The following ZNF385D variants were observed in gnomAD, a reference collection of about 807,000 sequenced individuals.
The protein encoded by ZNF385D is zinc finger protein 659.
ZNF385D carries 15 observed loss-of-function variants against 35.8 expected under a neutral mutation model. The observed-to-expected ratio is 0.42, with a 90% CI of 0.28 to 0.64. The LOEUF is 0.64. ZNF385D is among the 30% of genes least tolerant of loss of function. ZNF385D has a pLI of 0.23. For synonymous variants in ZNF385D, 212 were observed against 186.8 expected (o/e 1.13, Z -1.10); for missense variants, 474 against 494.6 (o/e 0.96, Z 0.39).
At chr3:21,662,953 T>C (rs373715869) in intron 2 of ZNF385D, among the ~76,000 whole-genome samples, 21 of 152,318 alleles carry the variant, frequency 1.4e-4, no homozygotes, top group East Asian at 1.4e-3. Flanking sequence ...CACAGACTTA[T>C]GAGGCGTATT....
chr3:22,010,545 G>A (rs1323689488), intron 3 of ZNF385D, among the ~76,000 whole-genome samples: 1 of 152,146 alleles, frequency 6.6e-6, no homozygotes, highest in Non-Finnish European at 1.5e-5. Context: ...TCTAGAGACT[G>A]CAAGTCCAAT....
intron 4 of ZNF385D, among the ~76,000 whole-genome samples, chr3:21,455,483 G>T (rs1476183579): frequency 6.6e-6 from 1 of 152,124 alleles, no homozygotes; most frequent in African/African-American, 2.4e-5. Context: ...CAAGCAATGG[G>T]GAAAGGATTC....
At chr3:21,778,170 A>G (rs2071360525) in intron 3 of ZNF385D, among the ~76,000 whole-genome samples, 1 of 152,090 alleles carries the variant, frequency 6.6e-6, no homozygotes, top group Non-Finnish European at 1.5e-5. Flanking sequence ...AAGAAAGCCA[A>G]TCAGTGCCCC....
In ZNF385D at chr3:22,332,666, A is replaced by T. The variant is rs143378516; in HGVS notation, c.106+39784T>A. Among the ~76,000 whole-genome samples, 469 of 152,290 alleles carry T rather than the reference A, an allele frequency of 3.1e-3. 4 individuals are homozygous for T. Among genetic ancestry groups the T allele is most frequent in the African/African-American group, 0.011 (445 of 41,584 alleles). ...GCTTAATTTATTTTGCAGATTATGA[A>T]TTTAAATTATATGGAAAGCCAAGAT... is the stretch of plus-strand genomic sequence containing the variant. On this transcript the variant is annotated intron_variant, in intron 2 of 5. Coordinates refer to the ZNF385D transcript ENST00000494108.
At chr3:21,524,736 G>A (rs1708122113) in intron 3 of ZNF385D, among the ~76,000 whole-genome samples, 1 of 152,116 alleles carries the variant, frequency 6.6e-6, no homozygotes, top group Non-Finnish European at 1.5e-5. Flanking sequence ...TGTTCTCCCT[G>A]AGTTAAAATT....
In ZNF385D at chr3:22,353,284, C is replaced by A. The variant is rs1041810236; in HGVS notation, c.106+19166G>T. On this transcript the variant is annotated intron_variant, in intron 2 of 5. Transcript: ENST00000494108. ...TGTGCCATGCCAAGTAACAGAAGCA[C>A]AGGCTGTGCCCTTGGCACTGCCTCT... Among the ~76,000 whole-genome samples the A allele has an allele frequency of 2.0e-5, 3 of 152,176 alleles. No homozygotes were observed. The East Asian group carries it at 5.8e-4, about 29-fold the overall frequency.
chr3:21,916,426 A>G (rs141988926), intron 3 of ZNF385D, among the ~76,000 whole-genome samples: 17 of 152,286 alleles, frequency 1.1e-4, no homozygotes, highest in Non-Finnish European at 2.2e-4. Context: ...TTTAACTTTT[A>G]CACTTATGTC....
chr3:22,184,371 G>T (rs1346493313), intron 2 of ZNF385D, among the ~76,000 whole-genome samples: 1 of 119,368 alleles, frequency 8.4e-6, no homozygotes, highest in Non-Finnish European at 1.7e-5. Context: ...CTTCAAGGGA[G>T]ATAAATCATT....
At chr3:22,337,309 A>G (rs538528286) in intron 2 of ZNF385D, among the ~76,000 whole-genome samples, 2 of 152,246 alleles carry the variant, frequency 1.3e-5, no homozygotes, top group Non-Finnish European at 2.9e-5. Flanking sequence ...AGGTGGGGGC[A>G]GCTCACTTGA....
At chr3:22,294,821 A>T (rs567759856) in intron 2 of ZNF385D, among the ~76,000 whole-genome samples, 1 of 152,320 alleles carries the variant, frequency 6.6e-6, no homozygotes, top group South Asian at 2.1e-4. Context: ...TGCATTTTAT[A>T]ACAAAGTTAC....
intron 2 of ZNF385D, among the ~76,000 whole-genome samples, chr3:21,603,783 G>C (rs2064393004): frequency 6.6e-6 from 1 of 152,106 alleles, no homozygotes; most frequent in African/African-American, 2.4e-5. Flanking sequence ...TTAAATGAGA[G>C]TGGTATTTTA....
chr3:22,236,764 ATTGGT>A (rs1699206698), intron 2 of ZNF385D, among the ~76,000 whole-genome samples: 1 of 152,040 alleles, frequency 6.6e-6, no homozygotes, highest in Non-Finnish European at 1.5e-5. Context: ...GTCTCTATAG[ATTGGT>A]TTATGCTGGG....
chr3:21,763,665 G>C (rs1216676018), intron 3 of ZNF385D, among the ~76,000 whole-genome samples: 1 of 152,044 alleles, frequency 6.6e-6, no homozygotes, highest in Non-Finnish European at 1.5e-5. Flanking sequence ...CATTGTTTTA[G>C]TTAAATAAAA....
Position 21,965,071 on chromosome 3 carries a change from G to A in ZNF385D, c.325+203746C>T, listed in dbSNP as rs1229948983. On this transcript the variant is annotated intron_variant, in intron 3 of 5. Coordinates refer to the ZNF385D transcript ENST00000494108. ...ACTAGAATCAGAAAGCACAATGCCT[G>A]GAAGATTGAAAAATTTTAGAGACTG... Among the ~76,000 whole-genome samples the A allele has an allele frequency of 1.6e-4, 25 of 152,110 alleles. 1 individual carries two copies. Among genetic ancestry groups the A allele is most frequent in the Admixed American group, 1.6e-3 (25 of 15,270 alleles).
At chr3:21,677,053 AG>A (rs1303211583) in intron 1 of ZNF385D, among the ~76,000 whole-genome samples, 1 of 152,118 alleles carries the variant, frequency 6.6e-6, no homozygotes, top group Non-Finnish European at 1.5e-5. Flanking sequence ...ACATAAGGAA[AG>A]GGACATCTAT....
At chr3:22,149,278 CCTG>C (rs1705072907) in intron 3 of ZNF385D, among the ~76,000 whole-genome samples, 1 of 152,094 alleles carries the variant, frequency 6.6e-6, no homozygotes, top group Admixed American at 6.6e-5. Flanking sequence ...GATTTTTCTT[CCTG>C]CTGATTGTAG....
chr3:22,133,423 G>A (rs775584023), intron 3 of ZNF385D, among the ~76,000 whole-genome samples: 1 of 151,862 alleles, frequency 6.6e-6, no homozygotes, highest in Non-Finnish European at 1.5e-5. Context: ...GAAAAGAGAA[G>A]AGGAGGGAGA....
At chr3:22,245,363 G>A (rs1345857235) in intron 2 of ZNF385D, among the ~76,000 whole-genome samples, 7 of 151,080 alleles carry the variant, frequency 4.6e-5, no homozygotes, top group Non-Finnish European at 8.8e-5. Flanking sequence ...GCTTTCCAAG[G>A]AAAGCATGCT....
chr3:21,573,615 T>C (rs1349505938), intron 2 of ZNF385D, among the ~76,000 whole-genome samples: 1 of 152,122 alleles, frequency 6.6e-6, no homozygotes, highest in African/African-American at 2.4e-5. Context: ...ACAAAAGTTA[T>C]AAGAAACTCA....
Sources: allele counts gnomAD v4.1 joint callset (sites outside exome capture counted in the v4.1 genomes callset), GRCh38; gene constraint gnomAD v4.1.1; transcripts MANE v1.5; gene names NCBI Gene and HGNC (gene_info 2026-07-23, HGNC 2026-07-21).